RTN4: variants seen among roughly 807,000 people sequenced by gnomAD.
RTN4 encodes reticulon 4, also known as reticulon-4.
In RTN4, 32 loss-of-function variants were observed where a neutral mutation model predicts 90.4. That is an observed-to-expected ratio of 0.35 (90% CI 0.27 to 0.48). The LOEUF is 0.48. Ranked by LOEUF, RTN4 falls within the 20% of genes least tolerant of loss-of-function variation. The pLI, the probability that RTN4 is intolerant of heterozygous loss-of-function variation, is 0.99. For synonymous variants in RTN4, 629 were observed against 552.5 expected (o/e 1.14, Z -1.94); for missense variants, 1,706 against 1,430.2 (o/e 1.19, Z -3.11).
chr2:55,026,978 ACT>A lies in RTN4; in HGVS notation c.1119_1120del (p.Arg373SerfsTer18). The A allele has an allele frequency of 6.2e-7, 1 of 1,613,232 alleles. No individual in the cohort carries two copies. Among genetic ancestry groups the A allele is most frequent in the Non-Finnish European group, 8.5e-7 (1 of 1,179,824 alleles). On this transcript the variant is annotated frameshift_variant, in exon 3 of 9. Transcript: ENST00000337526. LOFTEE classifies it high-confidence loss of function. ...CTCCCTCATAGGAGCTTCCACTGCA[ACT>A]CTCTTTTCATTAAAACTGTCTTTTG...
chr2:55,023,821 A>G, intron 3 of RTN4, among the ~76,000 whole-genome samples: 1 of 152,068 alleles, frequency 6.6e-6, no homozygotes, highest in Non-Finnish European at 1.5e-5. Context: ...CTGTCATGAC[A>G]ATATCTTCCC....
chr2:55,081,854 C>A (rs1284259209), intron 1 of RTN4, among the ~76,000 whole-genome samples: 2 of 101,732 alleles, frequency 2.0e-5, no homozygotes, highest in Non-Finnish European at 3.8e-5. Flanking sequence ...CAGAGCCAGA[C>A]CCTGTCTCAA....
chr2:55,049,949 G>C lies in RTN4; in HGVS notation c.352C>G (p.Pro118Ala). The change falls in exon 1 of 9, where the codon CCC (proline) becomes GCC (alanine). Residue 118 changes from proline to alanine, a missense_variant. By Grantham distance (27) the Pro-to-Ala change is conservative. Coordinates refer to ENST00000337526, the MANE Select transcript of RTN4 (RefSeq NM_020532.5). ...WDPSPVSSTV[P>A]APSPLSAAAV... The stretch of plus-strand genomic sequence containing the variant: ...GCAGCAGACAGCGGGGATGGCGCGG[G>C]CACGGTCGACGACACCGGGCTCGGG... The C allele has an allele frequency of 7.4e-7, 1 of 1,353,664 alleles. No individual in the cohort carries two copies. The highest frequency in any genetic ancestry group is 9.4e-7 in the Non-Finnish European group (1 of 1,059,430). 83.9% of individuals were successfully genotyped at this position (1,353,664 alleles called of 1,614,324 possible).
At chr2:54,995,277 C>T (rs1679330056) in intron 3 of RTN4, among the ~76,000 whole-genome samples, 1 of 151,686 alleles carries the variant, frequency 6.6e-6, no homozygotes, top group Non-Finnish European at 1.5e-5. Flanking sequence ...ACTCAAAACA[C>T]TTCTACTATT....
intron 3 of RTN4, among the ~76,000 whole-genome samples, chr2:54,989,098 G>T (rs1678807571): frequency 6.6e-6 from 1 of 152,138 alleles, no homozygotes; most frequent in African/African-American, 2.4e-5. Context: ...ACTTTCCTTT[G>T]CTCTTAAGGG....
intron 1 of RTN4, among the ~76,000 whole-genome samples, chr2:55,043,963 C>A (rs969073319): frequency 2.0e-5 from 3 of 151,920 alleles, no homozygotes; most frequent in Non-Finnish European, 4.4e-5. Context: ...AAACCCAGCA[C>A]TTCGAGAAGA....
chr2:55,036,480 T>C (rs1478799092), intron 1 of RTN4, among the ~76,000 whole-genome samples: 2 of 151,272 alleles, frequency 1.3e-5, no homozygotes, highest in Non-Finnish European at 2.9e-5. Context: ...CGTGCACCTG[T>C]AGTCCCAGCT....
rs749748166 is a variant in RTN4, at chr2:55,050,294, C to T, written c.7G>A (p.Asp3Asn). ME[D>N]LDQSPLVSSS... is the part of the protein sequence containing the mutation. The stretch of plus-strand genomic sequence containing the variant: ...GAGACCAGAGGAGACTGGTCCAGGT[C>T]TTCCATGGCTGGAGGGTGGAGATGA... Residue 3 changes from aspartate (D) to asparagine (N), a missense_variant, in exon 1 of 9, where the codon GAC becomes AAC. Physicochemically the swap from Asp to Asn is conservative, Grantham distance 23. Transcript: ENST00000337526. The surrounding 1 kb of genome is among the most constrained non-coding windows in gnomAD (Gnocchi z 4.6). The T allele has an allele frequency of 1.4e-6, 2 of 1,437,924 alleles. No individual in the cohort carries two copies. Among genetic ancestry groups the T allele is most frequent in the Non-Finnish European group, 1.8e-6 (2 of 1,095,120 alleles). The allele number at this position is 1,437,924 out of a possible 1,614,324, so 89.1% of individuals were successfully genotyped here. A position where few individuals can be genotyped will look rare whatever the true frequency, so the allele number is the denominator to read the frequency against.
intron 3 of RTN4, among the ~76,000 whole-genome samples, chr2:54,990,957 T>G (rs1227932944): frequency 1.3e-5 from 2 of 152,000 alleles, no homozygotes; most frequent in Admixed American, 6.6e-5. Context: ...TGATTTTTTG[T>G]TTTTTTAGTA....
At position 54,985,048 on chromosome 2, in the gene RTN4, A is replaced by G. The variant is rs147272373; in HGVS notation, c.3222-2395T>C. Among the ~76,000 whole-genome samples the G allele has an allele frequency of 1.2e-3, 179 of 152,284 alleles. 2 individuals are homozygous for G. The East Asian group carries it at 0.024, about 21-fold the overall frequency. ...ATGATGTGTAAAATTGGAACGGTAG[A>G]AAATTTAGAAGTTTTGGCTTGACAA... is the stretch of plus-strand genomic sequence containing the variant. On this transcript the variant is annotated intron_variant, in intron 4 of 8. Coordinates refer to ENST00000337526, the MANE Select transcript of RTN4 (RefSeq NM_020532.5).
At chr2:54,999,844 T>G (rs1285871685) in intron 3 of RTN4, among the ~76,000 whole-genome samples, 1 of 152,128 alleles carries the variant, frequency 6.6e-6, no homozygotes, top group Non-Finnish European at 1.5e-5. Flanking sequence ...GTCAAAAAAC[T>G]GACAGGCGAA....
the RTN4 span, among the ~76,000 whole-genome samples, chr2:55,135,497 A>G: frequency 6.6e-6 from 1 of 152,196 alleles, no homozygotes; most frequent in African/African-American, 2.4e-5. Context: ...GTGAGCCACC[A>G]TGCCCAGCCT....
the RTN4 span, among the ~76,000 whole-genome samples, chr2:55,126,375 G>GAAAAAAAAAAAA: frequency 9.2e-6 from 1 of 108,460 alleles, no homozygotes. Context: ...GTCTCAAAAA[G>GAAAAAAAAAAAA]AAAAAAAAAA....
At chr2:55,104,784 G>C (rs928385475) in intron 1 of RTN4, among the ~76,000 whole-genome samples, 6 of 151,916 alleles carry the variant, frequency 3.9e-5, no homozygotes, top group African/African-American at 1.2e-4. Flanking sequence ...AGTAGTATCT[G>C]TTTATTGTTT....
chr2:55,130,012 G>C, the RTN4 span, among the ~76,000 whole-genome samples: 1 of 152,178 alleles, frequency 6.6e-6, no homozygotes, highest in Non-Finnish European at 1.5e-5. Flanking sequence ...GTCTAACCTT[G>C]AGAAATACTT....
In RTN4 at chr2:55,026,422, A is replaced by G. The variant is rs755205041; in HGVS notation, c.1677T>C (p.Cys559=). The G allele has an allele frequency of 6.2e-7, 1 of 1,613,916 alleles. No homozygotes were observed. Among genetic ancestry groups the G allele is most frequent in the Non-Finnish European group, 8.5e-7 (1 of 1,179,912 alleles). Residue 559 remains cysteine, a synonymous_variant, in exon 3 of 9, where the codon TGT becomes TGC. Transcript: ENST00000337526. ...GLTPDLVQEA[C]ESELNEVTGT... ...CAGTAACTTCATTCAATTCACTTTCACATGCTTCCTGTACTAAATCTGGAG... is the reference window on the plus strand; with the variant it reads ...CAGTAACTTCATTCAATTCACTTTCGCATGCTTCCTGTACTAAATCTGGAG...
At chr2:55,021,894 C>T (rs773462068) in intron 3 of RTN4, among the ~76,000 whole-genome samples, 3 of 152,036 alleles carry the variant, frequency 2.0e-5, no homozygotes, top group African/African-American at 4.8e-5. Flanking sequence ...TAGTAAGTTG[C>T]TATGATAACT....
At chr2:55,059,309 T>TG (rs542452085) in intron 2 of RTN4, among the ~76,000 whole-genome samples, 1,221 of 38,338 alleles carry the variant, frequency 0.032, 12 homozygotes, top group African/African-American at 0.074. Context: ...TAGACTTAAT[T>TG]GTTTTTTTTT....
chr2:55,064,965 A>G (rs1668364154), intron 2 of RTN4, among the ~76,000 whole-genome samples: 2 of 152,212 alleles, frequency 1.3e-5, no homozygotes, highest in African/African-American at 4.8e-5. Context: ...TTAATTTTCC[A>G]TTTCGAATGC....
Sources: gnomAD v4.1 joint callset for allele counts (sites outside exome capture counted in the v4.1 genomes callset) on GRCh38, gnomAD v4.1.1 for gene constraint, Gnocchi (gnomAD v3.1) non-coding constraint, MANE v1.5 for transcripts, NCBI Gene and HGNC (gene_info 2026-07-23, HGNC 2026-07-21) for gene names.